Variants in MTMR7 observed in about 807,000 individuals in gnomAD.
MTMR7 encodes the protein phosphatidylinositol-3-phosphate phosphatase MTMR7.
MTMR7 carries 76 observed loss-of-function variants against 81.2 expected under a neutral mutation model. The observed-to-expected ratio is 0.94, with a 90% CI of 0.78 to 1.13. The LOEUF (loss-of-function observed/expected upper bound fraction) is 1.13, where lower values mean the gene tolerates loss of function less well. Ranked by LOEUF, MTMR7 falls within the 50% of genes most tolerant of loss-of-function variation. The pLI is 0.00. For synonymous variants in MTMR7, 372 were observed against 289.8 expected (o/e 1.28, Z -2.88); for missense variants, 1,044 against 820.0 (o/e 1.27, Z -3.34).
At chr8:17,360,654 G>A (rs1820032412) in intron 4 of MTMR7, among the ~76,000 whole-genome samples, 1 of 152,040 alleles carries the variant, frequency 6.6e-6, no homozygotes, top group Non-Finnish European at 1.5e-5. Context: ...TCCTGTGAGT[G>A]TAGACATGTT....
chr8:17,371,553 AACTT>A (rs564644110), intron 2 of MTMR7, among the ~76,000 whole-genome samples: 20 of 152,144 alleles, frequency 1.3e-4, no homozygotes, highest in Non-Finnish European at 2.5e-4. Context: ...TAGTAAAATA[AACTT>A]CTGCAGTCAA....
chr8:17,396,707 C>T (rs886847529), intron 1 of MTMR7, among the ~76,000 whole-genome samples: 13 of 151,968 alleles, frequency 8.6e-5, no homozygotes, highest in African/African-American at 2.7e-4. Context: ...TTAGAGTCAG[C>T]GGACTGGGGT....
At chr8:17,358,612 T>C in intron 4 of MTMR7, among the ~76,000 whole-genome samples, 1 of 152,198 alleles carries the variant, frequency 6.6e-6, no homozygotes, top group East Asian at 1.9e-4. Flanking sequence ...CTGTGTTTTA[T>C]GATGACATAC....
intron 1 of MTMR7, among the ~76,000 whole-genome samples, chr8:17,374,599 G>A (rs1250336684): frequency 2.6e-5 from 4 of 151,748 alleles, no homozygotes; most frequent in South Asian, 2.1e-4. Flanking sequence ...GTAGCCTGGC[G>A]ACAGAGTGAG....
At chr8:17,392,070 A>G (rs1367309390) in intron 1 of MTMR7, among the ~76,000 whole-genome samples, 2 of 152,216 alleles carry the variant, frequency 1.3e-5, no homozygotes, top group Non-Finnish European at 2.9e-5. Context: ...AAACTGAACC[A>G]TCACACGGAC....
At chr8:17,331,090 C>A in intron 7 of MTMR7, 60 bp downstream of exon 7, 1 of 1,554,746 alleles carries the variant, frequency 6.4e-7, no homozygotes, top group South Asian at 1.2e-5. Context: ...CTATCTTATT[C>A]CCTTTTGGCA....
intron 7 of MTMR7, among the ~76,000 whole-genome samples, chr8:17,321,573 G>C (rs993463004): frequency 7.9e-5 from 12 of 152,356 alleles, no homozygotes; most frequent in East Asian, 1.9e-4. Context: ...ATACACTTGA[G>C]ACCAAAGCGA....
At chr8:17,356,544 CTAA>C (rs370497517) in intron 4 of MTMR7, among the ~76,000 whole-genome samples, 8 of 151,652 alleles carry the variant, frequency 5.3e-5, no homozygotes, top group African/African-American at 1.9e-4. Context: ...ACTACTACTA[CTAA>C]TAATAATAAT....
Position 17,299,968 on chromosome 8 carries a change from C to T in MTMR7, c.1877G>A (p.Gly626Glu). The T allele has an allele frequency of 6.2e-7, 1 of 1,614,132 alleles. No homozygotes were observed. Among genetic ancestry groups the T allele is most frequent in the African/African-American group, 1.3e-5 (1 of 75,048 alleles). The change falls in exon 14 of 14, where the codon GGG becomes GAG. Residue 626 changes from glycine to glutamate, a missense_variant. Coordinates refer to ENST00000180173, the MANE Select transcript of MTMR7 (RefSeq NM_004686.5). ...AGACCGACAGCTCAAATCCTCCACC[C>T]CGGACTCTTGGTCACTGTTGGCTGA... ...DLSANSDQES[G>E]VEDLSCRSPS...
Position 17,394,556 on chromosome 8 carries a change from G to A in MTMR7, c.24+18713C>T, listed in dbSNP as rs180792588. Among the ~76,000 whole-genome samples, 100 of 152,252 alleles carry A rather than the reference G, an allele frequency of 6.6e-4. 4 individuals carry two copies. The East Asian group carries it at 0.015, about 23-fold the overall frequency. On this transcript the variant is annotated intron_variant, in intron 1 of 13. Transcript: ENST00000180173. ...AGAGAGAAAGGAGGGATGACTGCTAGTAAATACCAGGTTTCTTTTTGGGGT... is the reference window on the plus strand; with the variant it reads ...AGAGAGAAAGGAGGGATGACTGCTAATAAATACCAGGTTTCTTTTTGGGGT...
intron 1 of MTMR7, among the ~76,000 whole-genome samples, chr8:17,374,677 G>T (rs758644965): frequency 3.4e-4 from 51 of 152,064 alleles, no homozygotes; most frequent in South Asian, 8.3e-4. Flanking sequence ...GCCTGGGGTG[G>T]TAGCAGGTGC....
intron 1 of MTMR7, among the ~76,000 whole-genome samples, chr8:17,378,592 T>C (rs559741944): frequency 6.6e-6 from 1 of 152,360 alleles, no homozygotes; most frequent in South Asian, 2.1e-4. Flanking sequence ...AACAAAATTG[T>C]TGCAACTCAT....
At chr8:17,307,908 G>GGATA (rs1318601127) in intron 10 of MTMR7, among the ~76,000 whole-genome samples, 1 of 148,564 alleles carries the variant, frequency 6.7e-6, no homozygotes, top group African/African-American at 2.5e-5. Context: ...GAGGGGGGAG[G>GGATA]GATAGCATTA....
intron 4 of MTMR7, among the ~76,000 whole-genome samples, chr8:17,355,573 TA>T (rs796144712): frequency 0.012 from 1,749 of 143,606 alleles, 42 homozygotes; most frequent in African/African-American, 0.041. Flanking sequence ...ATTAAAAAAT[TA>T]AAAAAAAAAA....
At position 17,299,794 on chromosome 8, in the gene MTMR7, C is replaced by T. The variant is rs1170003199; in HGVS notation, c.*68G>A. On this transcript the variant is annotated 3_prime_UTR_variant, in exon 14 of 14. Transcript: ENST00000180173. The stretch of plus-strand genomic sequence containing the variant: ...ACCATTTCCTGTTTTTACAATAAAC[C>T]ACCTTGTTCCCTTGTTTTTGGAAGT... The T allele has an allele frequency of 3.2e-6, 5 of 1,566,338 alleles. No individual in the cohort carries two copies. The highest frequency in any genetic ancestry group is 1.7e-4 in the Middle Eastern group (1 of 5,772).
intron 1 of MTMR7, among the ~76,000 whole-genome samples, chr8:17,393,470 C>G (rs996364781): frequency 2.0e-5 from 3 of 152,152 alleles, no homozygotes; most frequent in African/African-American, 7.2e-5. Context: ...TTGCAAGTCA[C>G]ATATCGAATT....
chr8:17,327,307 G>A (rs944029804), intron 7 of MTMR7, among the ~76,000 whole-genome samples: 24 of 152,172 alleles, frequency 1.6e-4, no homozygotes, highest in African/African-American at 5.8e-4. Context: ...CTAACTCTCT[G>A]TCACCCAGGC....
Position 17,361,274 on chromosome 8 carries a change from A to C in MTMR7, c.311T>G (p.Val104Gly). 1 of 1,614,080 alleles carries C rather than the reference A, an allele frequency of 6.2e-7. No homozygotes were observed. Among genetic ancestry groups the C allele is most frequent in the Non-Finnish European group, 8.5e-7 (1 of 1,179,954 alleles). The change falls in exon 4 of 14, where the codon GTG becomes GGG. Residue 104 changes from valine (V) to glycine (G), a missense_variant and splice_region_variant. Transcript: ENST00000180173. ...AAAGCAGTATAACTCCTCATATTTC[A>C]CTGCAAGAAAAGGTAGGATAAAGTT... ...YISLIRLARP[V>G]KYEELYCFSF...
intron 1 of MTMR7, among the ~76,000 whole-genome samples, chr8:17,389,718 T>C (rs1369154273): frequency 6.6e-6 from 1 of 152,076 alleles, no homozygotes; most frequent in Non-Finnish European, 1.5e-5. Flanking sequence ...GATTCAGCTG[T>C]GGAAGATGTT....
Sources: allele counts gnomAD v4.1 joint callset (sites outside exome capture counted in the v4.1 genomes callset), GRCh38; gene constraint gnomAD v4.1.1; transcripts MANE v1.5; gene names NCBI Gene and HGNC (gene_info 2026-07-23, HGNC 2026-07-21).